MADD: variants seen among roughly 807,000 people sequenced by gnomAD.
MADD encodes MAP kinase activating death domain.
MADD carries 109 observed loss-of-function variants against 176.7 expected under a neutral mutation model. That is an observed-to-expected ratio of 0.62 (90% confidence interval 0.53 to 0.72). The LOEUF is 0.72. MADD is among the 30% of genes least tolerant of loss of function. The probability of loss-of-function intolerance (pLI) is 0.00; values close to 1 mark genes in which losing one functional copy is unlikely to be tolerated. For synonymous variants in MADD, 771 were observed against 771.3 expected, an observed-to-expected ratio of 1.00 and a Z score of 0.01; for missense variants, 1,914 against 2,045.5, an observed-to-expected ratio of 0.94 and a Z score of 1.24.
At chr11:47,312,430 T>C (rs1029412129) in intron 26 of MADD, among the ~76,000 whole-genome samples, 2 of 151,804 alleles carry the variant, frequency 1.3e-5, no homozygotes, top group African/African-American at 4.8e-5. Context: ...TGTATATACA[T>C]ATATATTTTT....
At chr11:47,301,009 A>G (rs1467189026) in intron 22 of MADD, among the ~76,000 whole-genome samples, 1 of 138,046 alleles carries the variant, frequency 7.2e-6, no homozygotes, top group Non-Finnish European at 1.6e-5. Flanking sequence ...TTCTTGGTGG[A>G]GGTCTTTTCA....
intron 15 of MADD, among the ~76,000 whole-genome samples, chr11:47,288,461 T>C (rs999663971): frequency 1.3e-5 from 2 of 152,108 alleles, no homozygotes; most frequent in Non-Finnish European, 2.9e-5. Context: ...GATGGAAGGG[T>C]GTCAGTGTCA....
chr11:47,315,374 C>T (rs769502052), intron 27 of MADD, 47 bp downstream of exon 30: 1 of 1,112,608 alleles, frequency 9.0e-7, no homozygotes, highest in South Asian at 1.3e-5. Context: ...TTGAGAGTCA[C>T]AGGGAACTCA....
chr11:47,284,637 C>T, intron 12 of MADD, 72 bp downstream of exon 12: 1 of 1,527,662 alleles, frequency 6.5e-7, no homozygotes, highest in Non-Finnish European at 8.8e-7. Flanking sequence ...GAAAGCCAGG[C>T]TGTAGCTATT....
chr11:47,274,063 TTTGC>T (rs1273333752), intron 2 of MADD, 87 bp downstream of exon 2: 2 of 1,230,544 alleles, frequency 1.6e-6, no homozygotes, highest in Non-Finnish European at 2.4e-6. Context: ...TCCATGTTGC[TTTGC>T]ATAGCTCATC....
exon 28 of MADD, chr11:47,323,699 G>A: frequency 6.2e-7 from 1 of 1,613,906 alleles, no homozygotes; most frequent in East Asian, 2.2e-5. Flanking sequence ...GTGTTGCGTA[G>A]TAACATCGGA....
chr11:47,311,676 A>G (rs557792894), intron 25 of MADD, 56 bp from the exon 29 acceptor site: 36 of 1,074,186 alleles, frequency 3.4e-5, no homozygotes, highest in Middle Eastern at 2.0e-4. Flanking sequence ...TCTTTTCTCT[A>G]CCTCAGTCGG....
At position 47,286,537 on chromosome 11, in the gene MADD, A is replaced by G. The variant is rs531683674; in HGVS notation, c.2653+3A>G. 87 of 1,609,086 alleles carry G rather than the reference A, an allele frequency of 5.4e-5. 1 individual carries two copies. The Admixed American group carries it at 1.3e-3, about 24-fold the overall frequency. On this transcript the variant is annotated splice_donor_region_variant and intron_variant, in intron 15 of 32. Transcript: ENST00000402192. Reference sequence around the variant, plus strand: ...CACGCCCTTCCCCAGTCTGAAAGGTAACTACAGCCTTCCTTTTGCCAAGCC... The same window carrying G: ...CACGCCCTTCCCCAGTCTGAAAGGTGACTACAGCCTTCCTTTTGCCAAGCC...
intron 26 of MADD, 22 bp from the exon 30 acceptor site, chr11:47,315,198 T>TA (rs1565526430): frequency 2.6e-6 from 4 of 1,521,494 alleles, no homozygotes; most frequent in South Asian, 2.2e-5. Flanking sequence ...TGACTGTCCC[T>TA]AAAAAATCTC....
exon 3 of MADD, chr11:47,274,824 G>A (rs755962826): frequency 1.2e-6 from 2 of 1,614,138 alleles, no homozygotes; most frequent in African/African-American, 2.7e-5. Context: ...TCTCTAAGGA[G>A]AAGGGGGAAG....
chr11:47,290,190 C>G, exon 18 of MADD: 1 of 1,614,134 alleles, frequency 6.2e-7, no homozygotes, highest in South Asian at 1.1e-5. Flanking sequence ...TAGACCTCCT[C>G]AAGTGTACAG....
At chr11:47,284,465 G>T (rs1199670352) in exon 12 of MADD, 2 of 1,613,990 alleles carry the variant, frequency 1.2e-6, no homozygotes, top group Non-Finnish European at 8.5e-7. Flanking sequence ...GAAGAGCCTG[G>T]CCCAGACAGT....
chr11:47,280,353 T>G (rs1351927308), intron 7 of MADD, among the ~76,000 whole-genome samples: 1 of 152,104 alleles, frequency 6.6e-6, no homozygotes, highest in African/African-American at 2.4e-5. Flanking sequence ...TTTAAATGGG[T>G]CATTGTGTTT....
At chr11:47,270,145 G>T (rs1433597522), upstream of MADD, 2 of 152,020 alleles carry the variant, frequency 1.3e-5, no homozygotes, top group Non-Finnish European at 2.9e-5. Flanking sequence ...TGCAGACGCG[G>T]AACTGGCGCC....
At chr11:47,298,441 C>T (rs980220970) in intron 22 of MADD, among the ~76,000 whole-genome samples, 4 of 152,176 alleles carry the variant, frequency 2.6e-5, no homozygotes, top group Non-Finnish European at 5.9e-5. Context: ...TGTGTAGAGG[C>T]CCATTATTCC....
At chr11:47,327,164 T>C in intron 31 of MADD, 1 of 1,037,244 alleles carries the variant, frequency 9.6e-7, no homozygotes, top group East Asian at 8.2e-5. Flanking sequence ...CCATGTCACC[T>C]GCTGCAATCT....
chr11:47,326,589 T>G lies in MADD; in HGVS notation c.4543-149T>G, dbSNP rs571597023. Reference sequence around the variant, plus strand: ...TTCTGCTATCTTCGCTTCTTAGCGCTTTTGAGTTGTGTGCGTGTGGATTCT... The same window carrying G: ...TTCTGCTATCTTCGCTTCTTAGCGCGTTTGAGTTGTGTGCGTGTGGATTCT... On this transcript the variant is annotated intron_variant, in intron 30 of 32. Transcript: ENST00000402192. 27 of 1,437,592 alleles carry G rather than the reference T, an allele frequency of 1.9e-5. 1 individual carries two copies. The South Asian group carries it at 4.2e-4, about 22-fold the overall frequency. The allele number at this position is 1,437,592 out of a possible 1,614,324, so 89.1% of individuals were successfully genotyped here.
At position 47,289,714 on chromosome 11, in the gene MADD, G is replaced by A. The variant is rs78436108; in HGVS notation, c.2757-153G>A. ...AGCGGTGGGTATTTGGACAAATCGC[G>A]TGCTCCAGAGAGGTGGGGATGTGGT... On this transcript the variant is annotated intron_variant, in intron 16 of 32. Transcript: ENST00000402192. Among the ~76,000 whole-genome samples, 25 of 152,284 alleles carry A rather than the reference G, an allele frequency of 1.6e-4. No individual in the cohort carries two copies. The East Asian group carries it at 3.5e-3, about 21-fold the overall frequency.
chr11:47,272,679 C>T (rs894140444), intron 1 of MADD, among the ~76,000 whole-genome samples: 3 of 152,124 alleles, frequency 2.0e-5, no homozygotes, highest in African/African-American at 7.2e-5. Context: ...ACACTTAACA[C>T]GAAATAAATT....
Sources: allele counts gnomAD v4.1 joint callset (sites outside exome capture counted in the v4.1 genomes callset), GRCh38; gene constraint gnomAD v4.1.1; transcripts MANE v1.5; gene names NCBI Gene and HGNC (gene_info 2026-07-23, HGNC 2026-07-21).